Variants in DHX30 observed in about 807,000 individuals in gnomAD.
The protein encoded by DHX30 is DExH-box helicase 30, also known as ATP-dependent RNA helicase DHX30.
Under a neutral mutation model 116.9 loss-of-function variants are expected in DHX30, and 4 were observed. The observed-to-expected ratio is 0.03, with a 90% CI of 0.02 to 0.08. The LOEUF (loss-of-function observed/expected upper bound fraction) is 0.08, where lower values mean the gene tolerates loss of function less well. DHX30 is among the 10% of genes least tolerant of loss of function. The pLI is 1.00. For synonymous variants in DHX30, 697 were observed against 651.7 expected (o/e 1.07, Z -1.06); for missense variants, 871 against 1,595.1 (o/e 0.55, Z 7.73).
rs1199941316 is a variant in DHX30, at chr3:47,848,719, G to A, written c.2671G>A (p.Ala891Thr). The stretch of plus-strand genomic sequence containing the variant: ...GTTGGCCAAGGCCATTGTGTTGGCT[G>A]CCATCTTCCGTTGCCTGCACCCACT... ...PRLAKAIVLA[A>T]IFRCLHPLLV... The change falls in exon 17 of 22, where the codon GCC becomes ACC. Residue 891 changes from alanine to threonine, a missense_variant. This residue lies in a region of DHX30 where 238 missense variants were observed against 481.0 expected (regional missense o/e 0.49). Coordinates refer to ENST00000445061, the MANE Select transcript of DHX30 (RefSeq NM_138615.3). This position sits in a 1 kb window ranked among gnomAD's most constrained non-coding sequence, Gnocchi z 9.4. 1 of 1,614,166 alleles carries A rather than the reference G, an allele frequency of 6.2e-7. No homozygotes were observed. The highest frequency in any genetic ancestry group is 1.1e-5 in the South Asian group (1 of 91,090).
intron 7 of DHX30, 142 bp from the exon 8 acceptor site, chr3:47,841,475 G>A (rs887937891): frequency 6.0e-6 from 7 of 1,172,420 alleles, no homozygotes; most frequent in Admixed American, 2.4e-5. Context: ...GAGCAGAGAC[G>A]CCCGGTTTCC....
At position 47,821,558 on chromosome 3, in the gene DHX30, C is replaced by T. The variant is rs569583584; in HGVS notation, c.124+3441C>T. On this transcript the variant is annotated intron_variant, in intron 4 of 21. Transcript: ENST00000445061. ...TGTTGGGATTACAGGCATGAGCCAC[C>T]GTGCCCAGCCCTTTTTTCTAACTTT... Among the ~76,000 whole-genome samples the T allele has an allele frequency of 2.1e-4, 32 of 152,190 alleles. 1 individual carries two copies. In the South Asian group the frequency reaches 5.4e-3, roughly 26 times the overall value.
intron 4 of DHX30, among the ~76,000 whole-genome samples, chr3:47,821,115 A>T (rs1377229859): frequency 6.6e-6 from 1 of 151,660 alleles, no homozygotes; most frequent in Non-Finnish European, 1.5e-5. Flanking sequence ...CAGCATGCCC[A>T]GCTGATTTTT....
intron 3 of DHX30, chr3:47,816,175 A>G: frequency 5.1e-6 from 5 of 978,382 alleles, no homozygotes; most frequent in Non-Finnish European, 6.1e-6. Context: ...AAAGAAAAAA[A>G]TCACACATCT....
In DHX30 at chr3:47,848,522, C is replaced by T. The variant is rs79236789; in HGVS notation, c.2547C>T (p.Asp849=). The T allele has an allele frequency of 1.9e-5, 31 of 1,609,120 alleles. No homozygotes were observed. The highest frequency in any genetic ancestry group is 8.1e-5 in the African/African-American group (6 of 74,276). ...AVDSPNIKAV[D]EAVILLQEIG... ...ACAGTCCAAACATCAAGGCAGTGGA[C>T]GAGGCTGTGATCTTGCTCCAGGAGA... The change falls in exon 16 of 22, where the codon GAC becomes GAT. Residue 849 remains aspartate, a synonymous_variant. Transcript: ENST00000445061. The surrounding 1 kb of genome is among the most constrained non-coding windows in gnomAD (Gnocchi z 9.4).
At chr3:47,841,270 A>G (rs537988907) in intron 7 of DHX30, 92 bp downstream of exon 7, 1 of 1,516,314 alleles carries the variant, frequency 6.6e-7, no homozygotes, top group South Asian at 1.2e-5. Context: ...CTGAGATGGG[A>G]GCGCCCCTGC....
chr3:47,828,156 GA>G (rs1226367655), intron 5 of DHX30, among the ~76,000 whole-genome samples: 2 of 151,976 alleles, frequency 1.3e-5, no homozygotes, highest in African/African-American at 4.8e-5. Flanking sequence ...CAGTCTGGAT[GA>G]TTTTTAAAGA....
intron 6 of DHX30, among the ~76,000 whole-genome samples, chr3:47,836,176 G>A (rs952560760): frequency 6.6e-6 from 1 of 152,122 alleles, no homozygotes; most frequent in African/African-American, 2.4e-5. Flanking sequence ...AGAGTGCAAT[G>A]GTGCAATGGC....
chr3:47,818,190 C>T (rs1217751612), intron 4 of DHX30, 73 bp downstream of exon 4: 2 of 734,964 alleles, frequency 2.7e-6, no homozygotes, highest in East Asian at 2.5e-5. Flanking sequence ...AATGGGAGCC[C>T]TGGTGCCAGG....
chr3:47,805,221 G>A (rs1278088403), intron 1 of DHX30, 105 bp from the exon 2 acceptor site: 1 of 396,466 alleles, frequency 2.5e-6, no homozygotes, highest in Admixed American at 4.4e-5. Flanking sequence ...TGCCCTTCAT[G>A]CCACTAACAA....
rs2037914899 is a variant in DHX30, at chr3:47,849,440, C to T, written c.3088-11C>T. 3 of 1,570,572 alleles carry T rather than the reference C, an allele frequency of 1.9e-6. No individual in the cohort carries two copies. Among genetic ancestry groups the T allele is most frequent in the African/African-American group, 1.4e-5 (1 of 74,030 alleles). ...GCTCAGCCCCACCCGTCTTTTCCTC[C>T]ATCCCTGCAGGTGAGGCAGGGCAAG... On this transcript the variant is annotated splice_polypyrimidine_tract_variant and intron_variant, in intron 19 of 21. Coordinates refer to ENST00000445061, the MANE Select transcript of DHX30 (RefSeq NM_138615.3).
chr3:47,821,999 T>C (rs1429573638), intron 4 of DHX30: 1 of 152,240 alleles, frequency 6.6e-6, no homozygotes, highest in African/African-American at 2.4e-5. Flanking sequence ...GTTGCAGTTA[T>C]TTGACTCTGC....
At chr3:47,812,708 G>A (rs2035855607) in intron 3 of DHX30, among the ~76,000 whole-genome samples, 1 of 148,158 alleles carries the variant, frequency 6.7e-6, no homozygotes. Flanking sequence ...TTGTTGCCCA[G>A]GCTGGAGTGC....
Position 47,841,051 on chromosome 3 carries a change from C to T in DHX30, c.541C>T (p.Leu181=). The T allele has an allele frequency of 6.2e-7, 1 of 1,614,150 alleles. No homozygotes were observed. The highest frequency in any genetic ancestry group is 1.1e-5 in the South Asian group (1 of 91,074). The change falls in exon 7 of 22, where the codon CTA becomes TTA. Residue 181 remains leucine (L), a synonymous_variant. Coordinates refer to ENST00000445061, the MANE Select transcript of DHX30 (RefSeq NM_138615.3). ...ESIRPGGPGG[L]SRSLGREEEE... is the part of the protein sequence containing the mutation. ...TATTCGACCAGGGGGACCTGGGGGC[C>T]TATCCCGCTCTTTAGGCCGGGAAGA...
intron 6 of DHX30, among the ~76,000 whole-genome samples, chr3:47,836,446 C>T (rs2037121456): frequency 6.6e-6 from 1 of 151,942 alleles, no homozygotes; most frequent in East Asian, 1.9e-4. Flanking sequence ...CCATCCCAGC[C>T]TGTCTGAAGC....
At position 47,848,242 on chromosome 3, in the gene DHX30, G is replaced by A. The variant is rs756574609; in HGVS notation, c.2349G>A (p.Ala783=). The A allele has an allele frequency of 3.8e-5, 61 of 1,613,482 alleles. No individual in the cohort carries two copies. The highest frequency in any genetic ancestry group is 2.2e-4 in the East Asian group (10 of 44,886). The change falls in exon 15 of 22, where the codon GCG becomes GCA. Residue 783 remains alanine, a synonymous_variant. Transcript: ENST00000445061. The surrounding 1 kb of genome is among the most constrained non-coding windows in gnomAD (Gnocchi z 9.4). ...ATGTGATCCAGCGCCGGGGCCGGGC[G>A]GGCCGCTGCCAGTCCGGCTTTGCCT... ...RANVIQRRGR[A]GRCQSGFAYH... is the part of the protein sequence containing the mutation.
At chr3:47,836,779 G>A (rs1046664656) in intron 6 of DHX30, among the ~76,000 whole-genome samples, 2 of 152,186 alleles carry the variant, frequency 1.3e-5, no homozygotes, top group African/African-American at 4.8e-5. Context: ...CCAAAGTGCT[G>A]GGATTACAGG....
chr3:47,827,605 A>G (rs2036604404), intron 5 of DHX30, 128 bp downstream of exon 5: 1 of 1,287,706 alleles, frequency 7.8e-7, no homozygotes. Flanking sequence ...TGGTCAGCAG[A>G]GACTCAGAGC....
chr3:47,841,942 GGGGCCGCA>G, intron 8 of DHX30: 1 of 654,590 alleles, frequency 1.5e-6, no homozygotes, highest in Non-Finnish European at 2.6e-6. Flanking sequence ...AGTGGGCTTG[GGGGCCGCA>G]AGAGCAGAAG....
Sources: allele counts gnomAD v4.1 joint callset (sites outside exome capture counted in the v4.1 genomes callset), GRCh38; gene constraint gnomAD v4.1.1; regional missense constraint gnomAD v4.1.1; non-coding constraint Gnocchi (gnomAD v3.1); transcripts MANE v1.5; gene names NCBI Gene and HGNC (gene_info 2026-07-23, HGNC 2026-07-21).